The following CKAP5 variants were observed in gnomAD, a reference collection of about 807,000 sequenced individuals.
The protein encoded by CKAP5 is cytoskeleton-associated protein 5.
CKAP5 carries 27 observed loss-of-function variants against 232.8 expected under a neutral mutation model. The observed-to-expected ratio is 0.12, with a 90% confidence interval of 0.09 to 0.16. The LOEUF is 0.16. CKAP5 is among the 10% of genes least tolerant of loss of function. CKAP5 has a pLI of 1.00. For missense variants in CKAP5, 1,838 were observed against 2,424.7 expected (o/e 0.76, Z 5.08); for synonymous variants, 785 against 841.1 (o/e 0.93, Z 1.16).
chr11:46,802,503 C>T (rs1939051777), intron 8 of CKAP5, among the ~76,000 whole-genome samples: 1 of 151,528 alleles, frequency 6.6e-6, no homozygotes, highest in Non-Finnish European at 1.5e-5. Context: ...CAGATCGCAC[C>T]ACTGCACTCC....
rs1400844136 is a variant in CKAP5 at position 46,763,541 on chromosome 11, T to C, written c.3627A>G (p.Gln1209=). 5.6e-6 allele frequency: 9 copies of C among 1,606,584 alleles called. No homozygotes were observed. Among genetic ancestry groups the C allele is most frequent in the Non-Finnish European group, 7.6e-6 (9 of 1,177,316 alleles). Reference sequence around the variant, plus strand: ...GAAAGTCTGAGTGAAACATCTCATCTTGTAACCATTTAGCCACACAGCTAG... The same window carrying C: ...GAAAGTCTGAGTGAAACATCTCATCCTGTAACCATTTAGCCACACAGCTAG... ...QMSSCVAKWL[Q]DEMFHSDFQH... Residue 1209 remains glutamine (Q), a synonymous_variant, in exon 29 of 44, where the codon CAA becomes CAG. Transcript: ENST00000529230.
At chr11:46,748,797 G>A (rs2065041061) in intron 42 of CKAP5, among the ~76,000 whole-genome samples, 1 of 151,762 alleles carries the variant, frequency 6.6e-6, no homozygotes, top group African/African-American at 2.4e-5. Flanking sequence ...AAAAGTCAAT[G>A]GATCAGGCTT....
intron 9 of CKAP5, among the ~76,000 whole-genome samples, chr11:46,800,444 G>A (rs2134655473): frequency 6.6e-6 from 1 of 152,226 alleles, no homozygotes; most frequent in Admixed American, 6.5e-5. Flanking sequence ...GTCAGTCTAG[G>A]GAATCAAATG....
intron 5 of CKAP5, 106 bp from the exon 6 acceptor site, chr11:46,809,980 T>C: frequency 1.7e-6 from 2 of 1,152,202 alleles, no homozygotes. Context: ...TCTTTCTTTT[T>C]TTTTTATTGG....
intron 1 of CKAP5, among the ~76,000 whole-genome samples, chr11:46,829,072 G>A (rs1939717859): frequency 6.6e-6 from 1 of 152,102 alleles, no homozygotes; most frequent in African/African-American, 2.4e-5. Context: ...AAATTGCTTT[G>A]CAAATATTTA....
rs906743252 is a variant in CKAP5 at position 46,821,188 on chromosome 11, T to C, written c.44A>G (p.Lys15Arg). Residue 15 changes from lysine to arginine, a missense_variant, in exon 2 of 44, where the codon AAA (lysine) becomes AGA (arginine). By Grantham distance (26) the Lys-to-Arg change is conservative. Transcript: ENST00000529230. ...GAAGAATCTTACCTTGTGTTCACATTTCTGATCAACTGGCAGTTTCAACCA... is the reference window on the plus strand; with the variant it reads ...GAAGAATCTTACCTTGTGTTCACATCTCTGATCAACTGGCAGTTTCAACCA... ...SEWLKLPVDQKCEHKLWKARL... is the reference protein window; with the variant it reads ...SEWLKLPVDQRCEHKLWKARL... The C allele has an allele frequency of 8.1e-6, 13 of 1,613,088 alleles. No individual in the cohort carries two copies. The highest frequency in any genetic ancestry group is 1.1e-5 in the South Asian group (1 of 91,028).
At chr11:46,752,193 T>TATATATACACACACACACAC (rs1408030107) in intron 38 of CKAP5, among the ~76,000 whole-genome samples, 1 of 66,574 alleles carries the variant, frequency 1.5e-5, no homozygotes, top group Non-Finnish European at 2.9e-5. Context: ...TATATATATA[T>TATATATACACACACACACAC]ACACACACAC....
intron 22 of CKAP5, among the ~76,000 whole-genome samples, 185 bp from the exon 23 acceptor site, chr11:46,777,737 T>C (rs75775957): frequency 0.024 from 3,702 of 152,336 alleles, 72 homozygotes; most frequent in Admixed American, 0.065. Flanking sequence ...GTGGCCTTTT[T>C]ATCATCAGTT....
intron 34 of CKAP5, 84 bp from the exon 35 acceptor site, chr11:46,759,127 C>A: frequency 6.5e-7 from 1 of 1,546,540 alleles, no homozygotes; most frequent in South Asian, 1.2e-5. Flanking sequence ...TCCACTAGGT[C>A]CAGGTCTTAG....
intron 8 of CKAP5, among the ~76,000 whole-genome samples, chr11:46,803,095 C>G (rs1939072250): frequency 6.6e-6 from 1 of 151,748 alleles, no homozygotes; most frequent in South Asian, 2.1e-4. Context: ...GAAACCCTGT[C>G]TCTACCAAAA....
chr11:46,826,430 CAG>C (rs894569096), intron 1 of CKAP5, among the ~76,000 whole-genome samples: 6 of 152,084 alleles, frequency 3.9e-5, no homozygotes, highest in Non-Finnish European at 7.4e-5. Flanking sequence ...ATCCAAGGCC[CAG>C]AGAGAGAGAT....
chr11:46,809,723 G>A lies in CKAP5; in HGVS notation c.763+19C>T. ...TTCTTGCTAATTTTTGCAGAAACCG[G>A]TGTTTAAAATTGGCTTACCTCCTTC... On this transcript the variant is annotated intron_variant, in intron 6 of 43. Coordinates refer to ENST00000529230, the MANE Select transcript of CKAP5 (RefSeq NM_001008938.4). 6.2e-7 allele frequency: 1 copy of A among 1,613,448 alleles called. No homozygotes were observed. Among genetic ancestry groups the A allele is most frequent in the South Asian group, 1.1e-5 (1 of 90,768 alleles).
At chr11:46,779,952 T>C (rs7118891) in intron 20 of CKAP5, among the ~76,000 whole-genome samples, 148,334 of 152,226 alleles carry the variant, frequency 0.97, 72,382 homozygotes, top group Middle Eastern at 1. Context: ...TGGGCCAGTT[T>C]ACCTCTCCTT....
At chr11:46,782,538 C>A (rs527304846) in intron 18 of CKAP5, among the ~76,000 whole-genome samples, 2 of 152,220 alleles carry the variant, frequency 1.3e-5, no homozygotes, top group South Asian at 2.1e-4. Context: ...TACCCTTTTA[C>A]AAGATATTAA....
chr11:46,809,450 C>T lies in CKAP5; in HGVS notation c.814G>A (p.Glu272Lys). ...VPQIDAYELL[E>K]AVEILSKLPK... ...AGTTTGGAAAGGATTTCTACAGCTT[C>T]TAAAAGCTCATAAGCATCTATTTGT... The change falls in exon 7 of 44, where the codon GAA (glutamate) becomes AAA (lysine). Residue 272 changes from glutamate to lysine, a missense_variant. This residue lies in a region of CKAP5 where 97 missense variants were observed against 167.7 expected (regional missense o/e 0.58). Transcript: ENST00000529230. 5 of 1,613,728 alleles carry T rather than the reference C, an allele frequency of 3.1e-6. No homozygotes were observed. The highest frequency in any genetic ancestry group is 4.2e-6 in the Non-Finnish European group (5 of 1,179,812).
chr11:46,761,628 A>AC (rs1291963486), intron 32 of CKAP5, among the ~76,000 whole-genome samples: 1 of 152,214 alleles, frequency 6.6e-6, no homozygotes, highest in East Asian at 1.9e-4. Context: ...TCTGACAGAT[A>AC]CTAGCATCCA....
intron 2 of CKAP5, among the ~76,000 whole-genome samples, chr11:46,818,923 A>G (rs542799640): frequency 1.3e-5 from 2 of 152,256 alleles, no homozygotes; most frequent in African/African-American, 4.8e-5. Context: ...ATTACACTGT[A>G]TATTAATTTC....
intron 20 of CKAP5, among the ~76,000 whole-genome samples, chr11:46,779,882 A>G (rs1158700420): frequency 2.6e-5 from 4 of 152,050 alleles, no homozygotes; most frequent in Non-Finnish European, 5.9e-5. Context: ...TTGGCCTCCC[A>G]AAGTGCTGGA....
At chr11:46,843,961 C>T (rs979597557) in intron 1 of CKAP5, among the ~76,000 whole-genome samples, 5 of 152,014 alleles carry the variant, frequency 3.3e-5, no homozygotes, top group Non-Finnish European at 7.4e-5. Flanking sequence ...TGGCTCACAC[C>T]TGTAATCCCA....
Sources: gnomAD v4.1 joint callset for allele counts (sites outside exome capture counted in the v4.1 genomes callset) on GRCh38, gnomAD v4.1.1 for gene constraint, gnomAD v4.1.1 regional missense constraint, MANE v1.5 for transcripts, NCBI Gene and HGNC (gene_info 2026-07-23, HGNC 2026-07-21) for gene names.